Variants in MEGF11 observed in about 807,000 individuals in gnomAD.
MEGF11 encodes the protein multiple epidermal growth factor-like domains protein 11.
MEGF11 carries 126 observed loss-of-function variants against 146.6 expected under a neutral mutation model. That is an observed-to-expected ratio of 0.86 (90% CI 0.74 to 1.00). MEGF11 has a LOEUF of 1.00. MEGF11 is among the 50% of genes least tolerant of loss of function. MEGF11 has a pLI of 0.00. For missense variants in MEGF11, 1,509 were observed against 1,521.2 expected (o/e 0.99, Z 0.13); for synonymous variants, 532 against 583.4 (o/e 0.91, Z 1.27).
intron 5 of MEGF11, among the ~76,000 whole-genome samples, chr15:66,056,478 C>T (rs1051326686): frequency 1.3e-5 from 2 of 152,210 alleles, no homozygotes; most frequent in African/African-American, 2.4e-5. Flanking sequence ...CACATGAGCC[C>T]GACATGTGGA....
At chr15:65,912,672 T>G (rs1364421091) in intron 20 of MEGF11, among the ~76,000 whole-genome samples, 1 of 152,172 alleles carries the variant, frequency 6.6e-6, no homozygotes, top group African/African-American at 2.4e-5. Context: ...TAGGAAACCC[T>G]AGCCAGCCTT....
At chr15:65,939,329 G>A (rs1596872712) in intron 10 of MEGF11, among the ~76,000 whole-genome samples, 1 of 152,098 alleles carries the variant, frequency 6.6e-6, no homozygotes, top group East Asian at 1.9e-4. Flanking sequence ...GAGTACATAG[G>A]TTCAAGTGAG....
chr15:66,236,323 C>T (rs1301455522), intron 1 of MEGF11, among the ~76,000 whole-genome samples: 3 of 152,046 alleles, frequency 2.0e-5, no homozygotes, highest in Non-Finnish European at 4.4e-5. Context: ...GACTTCATCC[C>T]GAGGGCAATG....
intron 1 of MEGF11, among the ~76,000 whole-genome samples, chr15:66,237,329 C>CG (rs963324835): frequency 1.3e-5 from 2 of 152,060 alleles, no homozygotes; most frequent in East Asian, 1.9e-4. Context: ...ACTCACTCCC[C>CG]CCAACAAAAG....
At chr15:66,203,738 A>G (rs1468971871) in intron 1 of MEGF11, among the ~76,000 whole-genome samples, 1 of 152,236 alleles carries the variant, frequency 6.6e-6, no homozygotes, top group Non-Finnish European at 1.5e-5. Flanking sequence ...GGACCAAACA[A>G]CCAATGCAAT....
chr15:66,145,821 A>G (rs532548599), intron 1 of MEGF11, among the ~76,000 whole-genome samples: 77 of 152,308 alleles, frequency 5.1e-4, no homozygotes, highest in Non-Finnish European at 1.5e-4. Context: ...CGGACAAATG[A>G]CTTAATCTTG....
At position 65,982,428 on chromosome 15, in the gene MEGF11, G is replaced by T; in HGVS notation, c.455C>A (p.Ala152Asp). Residue 152 changes from alanine to aspartate, a missense_variant, in exon 6 of 26, where the codon GCC becomes GAC. Transcript: ENST00000395614. The surrounding 1 kb of genome is among the most constrained non-coding windows in gnomAD (Gnocchi z 5.6). ...CSNRCQCQNGALCNPITGACV... is the reference protein window; with the variant it reads ...CSNRCQCQNGDLCNPITGACV... ...GGCGCCTGTGATGGGGTTACACAGGGCGCCGTTCTGGCACTGGCACCGGTT... is the reference window on the plus strand; with the variant it reads ...GGCGCCTGTGATGGGGTTACACAGGTCGCCGTTCTGGCACTGGCACCGGTT... 6.7e-7 allele frequency: 1 copy of T among 1,499,704 alleles called. No individual in the cohort carries two copies. 92.9% of individuals were successfully genotyped at this position (1,499,704 alleles called of 1,614,324 possible).
At chr15:65,922,226 A>C in intron 15 of MEGF11, 112 bp downstream of exon 15, 92 of 1,326,604 alleles carry the variant, frequency 6.9e-5, no homozygotes, top group Non-Finnish European at 8.9e-5. Flanking sequence ...TGAAGAGGGA[A>C]GGAGCTACCT....
At chr15:65,950,580 CACAG>C (rs976311769) in intron 10 of MEGF11, among the ~76,000 whole-genome samples, 3 of 70,218 alleles carry the variant, frequency 4.3e-5, no homozygotes, top group East Asian at 3.8e-4. Context: ...GGCTTAGACA[CACAG>C]ACACACACAC....
At chr15:66,120,859 G>C (rs1405259110) in intron 3 of MEGF11, among the ~76,000 whole-genome samples, 1 of 152,166 alleles carries the variant, frequency 6.6e-6, no homozygotes, top group Non-Finnish European at 1.5e-5. Context: ...ATGGGGGGTG[G>C]TCTGGGCATC....
Position 65,897,961 on chromosome 15 carries a change from A to G in MEGF11, c.3396T>C (p.Asn1132=), listed in dbSNP as rs368800491. 3 of 1,613,882 alleles carry G rather than the reference A, an allele frequency of 1.9e-6. No individual in the cohort carries two copies. In the African/African-American group the frequency reaches 4.0e-5, roughly 22 times the overall value. ...AAGATTGCTTGTCCTGGGACGGCCC[A>G]TTGGCAGGGCTCTGTCTTACTGGGA... The part of the protein sequence containing the change: ...DLLPVRQSPA[N]GPSQDKQS Residue 1132 remains asparagine, a synonymous_variant, in exon 26 of 26, where the codon AAT becomes AAC. Coordinates refer to ENST00000395614, the MANE Select transcript of MEGF11 (RefSeq NM_001385028.1).
At chr15:66,084,355 G>A (rs553166667) in intron 5 of MEGF11, among the ~76,000 whole-genome samples, 20 of 152,266 alleles carry the variant, frequency 1.3e-4, no homozygotes, top group South Asian at 8.3e-4. Flanking sequence ...ACAATGCGGC[G>A]GCTTGCAGTG....
At chr15:66,029,224 C>T (rs1023112473) in intron 5 of MEGF11, among the ~76,000 whole-genome samples, 2 of 151,912 alleles carry the variant, frequency 1.3e-5, no homozygotes, top group African/African-American at 2.4e-5. Flanking sequence ...TTCTCAGAAG[C>T]CCATGCTACC....
intron 10 of MEGF11, among the ~76,000 whole-genome samples, chr15:65,950,035 C>T (rs551786158): frequency 1.2e-4 from 18 of 152,314 alleles, no homozygotes; most frequent in Non-Finnish European, 1.5e-4. Context: ...TCCTTTCTCT[C>T]ACCCCCATTT....
chr15:66,117,504 C>T (rs1567249453), intron 4 of MEGF11, among the ~76,000 whole-genome samples: 1 of 152,166 alleles, frequency 6.6e-6, no homozygotes, highest in Non-Finnish European at 1.5e-5. Flanking sequence ...AGCTTTGCCA[C>T]CGTTCACTAA....
At chr15:65,930,411 C>T (rs1011488316) in intron 11 of MEGF11, among the ~76,000 whole-genome samples, 1 of 152,110 alleles carries the variant, frequency 6.6e-6, no homozygotes, top group East Asian at 1.9e-4. Flanking sequence ...GGTGTGTCCT[C>T]TCCCTCTTTC....
At chr15:66,039,188 A>T (rs1368303570) in intron 5 of MEGF11, among the ~76,000 whole-genome samples, 1 of 152,208 alleles carries the variant, frequency 6.6e-6, no homozygotes. Flanking sequence ...ACCGAAAAAC[A>T]TCGCCCTTGA....
intron 8 of MEGF11, among the ~76,000 whole-genome samples, chr15:65,967,300 A>T (rs1012626855): frequency 2.6e-5 from 4 of 152,238 alleles, no homozygotes; most frequent in African/African-American, 7.2e-5. Context: ...CCTTAAATTC[A>T]GGCATGAAAA....
intron 5 of MEGF11, among the ~76,000 whole-genome samples, chr15:65,988,944 C>T (rs146971114): frequency 2.8e-3 from 428 of 152,310 alleles, no homozygotes; most frequent in Middle Eastern, 0.01. Context: ...AAAGAACCCC[C>T]TCCCAGCTGC....
Sources: allele counts gnomAD v4.1 joint callset (sites outside exome capture counted in the v4.1 genomes callset), GRCh38; gene constraint gnomAD v4.1.1; non-coding constraint Gnocchi (gnomAD v3.1); transcripts MANE v1.5; gene names NCBI Gene and HGNC (gene_info 2026-07-23, HGNC 2026-07-21).